ELMO1: variants seen among roughly 807,000 people sequenced by gnomAD.
ELMO1 encodes engulfment and cell motility protein 1.
A neutral mutation model predicts 98.9 loss-of-function variants in ELMO1; 26 were observed. The observed-to-expected ratio is 0.26, with a 90% CI of 0.19 to 0.36. The LOEUF is 0.36. Ranked by LOEUF, ELMO1 falls within the 10% of genes least tolerant of loss-of-function variation. The pLI is 1.00. For synonymous variants in ELMO1, 346 were observed against 346.0 expected (o/e 1.00, Z 0.00); for missense variants, 627 against 935.2 (o/e 0.67, Z 4.30).
At chr7:37,293,160 C>T (rs1207978352) in intron 4 of ELMO1, among the ~76,000 whole-genome samples, 1 of 74,470 alleles carries the variant, frequency 1.3e-5, no homozygotes, top group Admixed American at 1.3e-4. Context: ...TCTGCCTGGC[C>T]GCGCCTACTG....
At chr7:37,053,101 A>G (rs967648577) in intron 15 of ELMO1, among the ~76,000 whole-genome samples, 1 of 152,184 alleles carries the variant, frequency 6.6e-6, no homozygotes, top group Non-Finnish European at 1.5e-5. Flanking sequence ...GACAAAACAC[A>G]TTTAAAAAAG....
chr7:37,031,255 T>A (rs1044630532), intron 15 of ELMO1, among the ~76,000 whole-genome samples: 1 of 152,144 alleles, frequency 6.6e-6, no homozygotes, highest in Non-Finnish European at 1.5e-5. Context: ...ATCCTTCAGA[T>A]AAAGTAACGC....
chr7:37,244,655 C>T (rs753388327), intron 6 of ELMO1, among the ~76,000 whole-genome samples: 4 of 152,116 alleles, frequency 2.6e-5, no homozygotes, highest in Non-Finnish European at 4.4e-5. Flanking sequence ...CATCCAAAAC[C>T]GTCCATTTAG....
chr7:36,895,904 T>C (rs1025028482), intron 16 of ELMO1, among the ~76,000 whole-genome samples: 2 of 152,228 alleles, frequency 1.3e-5, no homozygotes, highest in African/African-American at 4.8e-5. Context: ...TCTTTCTTTA[T>C]CCACTCAAAC....
intron 2 of ELMO1, among the ~76,000 whole-genome samples, chr7:37,316,935 C>A (rs1168835205): frequency 6.7e-6 from 1 of 148,458 alleles, no homozygotes; most frequent in African/African-American, 2.5e-5. Context: ...TCAAATCCAG[C>A]TCTATCAGCT....
intron 5 of ELMO1, among the ~76,000 whole-genome samples, chr7:37,262,197 T>C (rs1477778288): frequency 1.3e-5 from 2 of 151,880 alleles, no homozygotes; most frequent in African/African-American, 4.8e-5. Context: ...ATAAAAGAAG[T>C]GAGGAGAGAA....
chr7:37,367,549 T>C (rs1194886511), intron 1 of ELMO1, among the ~76,000 whole-genome samples: 2 of 152,176 alleles, frequency 1.3e-5, no homozygotes, highest in Non-Finnish European at 2.9e-5. Context: ...AGGAGTACAG[T>C]GAAAAATAAC....
intron 14 of ELMO1, among the ~76,000 whole-genome samples, chr7:37,104,428 A>G (rs1238173233): frequency 6.6e-6 from 1 of 152,202 alleles, no homozygotes; most frequent in Non-Finnish European, 1.5e-5. Context: ...TCTGAGGTGG[A>G]ACCCACAAAA....
chr7:37,427,025 A>G (rs996944133), intron 1 of ELMO1, among the ~76,000 whole-genome samples: 1 of 152,178 alleles, frequency 6.6e-6, no homozygotes, highest in African/African-American at 2.4e-5. Flanking sequence ...TCCCGAAAAA[A>G]AGAAAAAAAT....
intron 19 of ELMO1, among the ~76,000 whole-genome samples, chr7:36,871,637 A>G (rs1173282496): frequency 6.6e-6 from 1 of 152,210 alleles, no homozygotes; most frequent in African/African-American, 2.4e-5. Flanking sequence ...GAGATTTCAC[A>G]GTTAAAGCTC....
intron 2 of ELMO1, among the ~76,000 whole-genome samples, chr7:37,340,008 G>T (rs775928881): frequency 2.0e-5 from 3 of 152,006 alleles, no homozygotes; most frequent in Non-Finnish European, 4.4e-5. Flanking sequence ...AAAATGTCAA[G>T]GTCACAAAAG....
At chr7:37,022,449 T>C (rs1248737482) in intron 15 of ELMO1, among the ~76,000 whole-genome samples, 2 of 152,146 alleles carry the variant, frequency 1.3e-5, no homozygotes, top group African/African-American at 2.4e-5. Context: ...AAATAGGACA[T>C]ATAAGTGGCC....
chr7:37,237,506 C>T (rs1329625936), intron 7 of ELMO1, among the ~76,000 whole-genome samples: 1 of 152,000 alleles, frequency 6.6e-6, no homozygotes, highest in Non-Finnish European at 1.5e-5. Context: ...GCCAGGCTGG[C>T]CTCAAACTCC....
chr7:36,898,617 C>T (rs573983305), intron 16 of ELMO1, among the ~76,000 whole-genome samples: 140 of 152,290 alleles, frequency 9.2e-4, no homozygotes, highest in African/African-American at 3.3e-3. Flanking sequence ...ACCTATGTCC[C>T]CTGCTCTCAC....
chr7:37,325,390 G>C (rs1251482518), intron 2 of ELMO1, among the ~76,000 whole-genome samples: 2 of 152,174 alleles, frequency 1.3e-5, no homozygotes, highest in Non-Finnish European at 2.9e-5. Context: ...TCTGTTTCCA[G>C]ACTTTTAGAT....
rs370277507 is a variant in ELMO1, at chr7:37,175,852, A to AAAAAC, written c.1086+35529_1086+35533dup. Reference sequence around the variant, plus strand: ...ACAGAGTGAGATTCTGTCTCAAAGAAAAAACAAAACAAAACAAAACCAACA... The same window carrying AAAAAC: ...ACAGAGTGAGATTCTGTCTCAAAGAAAAAACAAAACAAAACAAAACAAAACCAACA... On this transcript the variant is annotated intron_variant, in intron 13 of 21. Coordinates refer to ENST00000310758, the MANE Select transcript of ELMO1 (RefSeq NM_014800.11). Among the ~76,000 whole-genome samples the AAAAAC allele has an allele frequency of 3.3e-3, 496 of 152,268 alleles. 4 individuals are homozygous for AAAAAC. The highest frequency in any genetic ancestry group is 0.011 in the African/African-American group (473 of 41,532).
chr7:37,184,633 C>T (rs1035596101), intron 13 of ELMO1, among the ~76,000 whole-genome samples: 3 of 152,186 alleles, frequency 2.0e-5, no homozygotes, highest in Admixed American at 6.5e-5. Flanking sequence ...TCCGTCATGG[C>T]ATGATGGCTC....
At position 37,394,280 on chromosome 7, in the gene ELMO1, CAT is replaced by C. The variant is rs1803199542; in HGVS notation, c.-73-51519_-73-51518del. Among the ~76,000 whole-genome samples, 5 of 152,296 alleles carry C rather than the reference CAT, an allele frequency of 3.3e-5. No individual in the cohort carries two copies. The South Asian group carries it at 8.3e-4, about 25-fold the overall frequency. On this transcript the variant is annotated intron_variant, in intron 1 of 21. Transcript: ENST00000310758. Reference sequence around the variant, plus strand: ...AGTCCAGCACCAAGGAGCAGCTCAACATAGTCTGGCATGTTCAGAAACCTGAA... The same window carrying C: ...AGTCCAGCACCAAGGAGCAGCTCAACAGTCTGGCATGTTCAGAAACCTGAA...
intron 9 of ELMO1, among the ~76,000 whole-genome samples, chr7:37,222,925 C>T (rs1424524704): frequency 6.6e-6 from 1 of 152,092 alleles, no homozygotes; most frequent in Non-Finnish European, 1.5e-5. Flanking sequence ...TGCAGAATGC[C>T]CAGAAATATA....
Sources: gnomAD v4.1 joint callset for allele counts (sites outside exome capture counted in the v4.1 genomes callset) on GRCh38, gnomAD v4.1.1 for gene constraint, MANE v1.5 for transcripts, NCBI Gene and HGNC (gene_info 2026-07-23, HGNC 2026-07-21) for gene names.